The following ATP6V0A4 variants were observed in gnomAD, a reference collection of about 807,000 sequenced individuals.
The protein encoded by ATP6V0A4 is V-type proton ATPase 116 kDa subunit a 4.
Under a neutral mutation model 107.3 loss-of-function variants are expected in ATP6V0A4, and 86 were observed. The ratio of observed to expected loss-of-function variants is 0.80; its 90% confidence interval spans 0.67 to 0.96. ATP6V0A4 has a LOEUF of 0.96. Among genes scored for constraint, ATP6V0A4 ranks in the 40% least tolerant of loss-of-function variants. ATP6V0A4 has a pLI of 0.00. For synonymous variants in ATP6V0A4, 353 were observed against 381.4 expected (o/e 0.93, Z 0.87); for missense variants, 908 against 1,045.6 (o/e 0.87, Z 1.81).
chr7:138,717,908 G>GCAA (rs1804130964), intron 19 of ATP6V0A4, among the ~76,000 whole-genome samples: 1 of 73,012 alleles, frequency 1.4e-5, no homozygotes, highest in Admixed American at 1.2e-4. Flanking sequence ...ACTCTGTCTC[G>GCAA]GAAAAAAAAA....
chr7:138,791,478 C>A (rs1484654238), intron 1 of ATP6V0A4, among the ~76,000 whole-genome samples: 1 of 152,078 alleles, frequency 6.6e-6, no homozygotes, highest in Non-Finnish European at 1.5e-5. Context: ...TATCCAATTG[C>A]CTACAAACTC....
chr7:138,747,764 A>G, intron 12 of ATP6V0A4, 200 bp from the exon 13 acceptor site: 2 of 880,884 alleles, frequency 2.3e-6, no homozygotes, highest in Non-Finnish European at 3.3e-6. Flanking sequence ...CTGTTTTTCA[A>G]TTTTTTTTGA....
intron 1 of ATP6V0A4, among the ~76,000 whole-genome samples, chr7:138,786,973 T>C (rs1377649154): frequency 2.6e-5 from 4 of 152,240 alleles, no homozygotes; most frequent in African/African-American, 7.2e-5. Flanking sequence ...TTTAATATCC[T>C]GCATTGACTA....
intron 13 of ATP6V0A4, 83 bp from the exon 14 acceptor site, chr7:138,745,363 A>C: frequency 6.3e-7 from 1 of 1,598,180 alleles, no homozygotes; most frequent in Non-Finnish European, 8.5e-7. Flanking sequence ...GGATATCTCC[A>C]GCATCACCGG....
At chr7:138,748,206 A>G (rs1441861635) in intron 12 of ATP6V0A4, among the ~76,000 whole-genome samples, 1 of 151,208 alleles carries the variant, frequency 6.6e-6, no homozygotes, top group Non-Finnish European at 1.5e-5. Flanking sequence ...TGCTTTCTAT[A>G]CTCTTCTCCA....
Position 138,752,649 on chromosome 7 carries a change from G to A in ATP6V0A4, c.1005C>T (p.Ile335=). The A allele has an allele frequency of 6.2e-7, 1 of 1,613,668 alleles. No homozygotes were observed. Among genetic ancestry groups the A allele is most frequent in the Non-Finnish European group, 8.5e-7 (1 of 1,179,866 alleles). ...CCATGCCTTGCTCCAGTGCCCTCTT[G>A]ATACGTGTGGCATCTGCCACCGGGA... The part of the protein sequence containing the change: ...IWFPVADATR[I]KRALEQGMEL... The change falls in exon 11 of 22, where the codon ATC becomes ATT. Residue 335 remains isoleucine (I), a synonymous_variant. Transcript: ENST00000310018.
In ATP6V0A4 at chr7:138,706,534, C is replaced by A; in HGVS notation, c.*90G>T. On this transcript the variant is annotated 3_prime_UTR_variant, in exon 22 of 22. Coordinates refer to ENST00000310018, the MANE Select transcript of ATP6V0A4 (RefSeq NM_020632.3). The stretch of plus-strand genomic sequence containing the variant: ...TCAGGTGAGCCAAGAACAACCTTCC[C>A]ATTGAGCGCCTTGCAGGGGCTGATA... 2 of 1,472,270 alleles carry A rather than the reference C, an allele frequency of 1.4e-6. No individual in the cohort carries two copies. Among genetic ancestry groups the A allele is most frequent in the East Asian group, 2.3e-5 (1 of 43,226 alleles). 91.2% of individuals were successfully genotyped at this position (1,472,270 alleles called of 1,614,324 possible).
intron 2 of ATP6V0A4, among the ~76,000 whole-genome samples, chr7:138,776,036 T>C (rs1365802261): frequency 6.6e-6 from 1 of 152,006 alleles, no homozygotes; most frequent in East Asian, 1.9e-4. Flanking sequence ...GGCCTCCAAC[T>C]CCTAGCCTAC....
intron 8 of ATP6V0A4, among the ~76,000 whole-genome samples, chr7:138,759,192 T>G (rs1204236052): frequency 2.0e-5 from 3 of 151,532 alleles, no homozygotes; most frequent in Non-Finnish European, 4.4e-5. Flanking sequence ...CCTAAGTAGC[T>G]GGGACTACCG....
rs1804004086 is a variant in ATP6V0A4, at chr7:138,715,766, G to T, written c.2255C>A (p.Ala752Glu). Residue 752 changes from alanine (A) to glutamate (E), a missense_variant and splice_region_variant, in exon 20 of 22, where the codon GCA becomes GAA. Coordinates refer to ENST00000310018, the MANE Select transcript of ATP6V0A4 (RefSeq NM_020632.3). ...LRLWALSLAH[A>E]QLSEVLWTMV... Reference sequence around the variant, plus strand: ...CCCCCGATGGGCTGCTCACTCACGTGCATGAGCCAGGCTGAGGGCCCAGAG... The same window carrying T: ...CCCCCGATGGGCTGCTCACTCACGTTCATGAGCCAGGCTGAGGGCCCAGAG... 2 of 1,613,552 alleles carry T rather than the reference G, an allele frequency of 1.2e-6. No homozygotes were observed. The highest frequency in any genetic ancestry group is 1.7e-6 in the Non-Finnish European group (2 of 1,179,616).
At chr7:138,719,466 A>C (rs1310389032) in intron 19 of ATP6V0A4, among the ~76,000 whole-genome samples, 1 of 152,208 alleles carries the variant, frequency 6.6e-6, no homozygotes, top group African/African-American at 2.4e-5. Flanking sequence ...GGGACTCTGC[A>C]GCAACTGCTG....
At chr7:138,713,760 C>T (rs980286865) in intron 20 of ATP6V0A4, among the ~76,000 whole-genome samples, 1 of 152,036 alleles carries the variant, frequency 6.6e-6, no homozygotes, top group Non-Finnish European at 1.5e-5. Context: ...AAGGGGGCTG[C>T]AGGGGCAAAC....
intron 2 of ATP6V0A4, among the ~76,000 whole-genome samples, chr7:138,778,554 G>A (rs557647894): frequency 1.8e-3 from 280 of 152,200 alleles, no homozygotes; most frequent in Non-Finnish European, 3.3e-3. Flanking sequence ...GACTCAGTGC[G>A]GCAGAAGCCA....
intron 1 of ATP6V0A4, among the ~76,000 whole-genome samples, chr7:138,792,766 GTTTTTTT>G (rs1202969668): frequency 4.5e-4 from 31 of 68,708 alleles, no homozygotes; most frequent in Non-Finnish European, 7.8e-4. Context: ...ACTCAGGTTT[GTTTTTTT>G]TTTTGTTGTT....
intron 2 of ATP6V0A4, among the ~76,000 whole-genome samples, chr7:138,771,493 C>T (rs1190622374): frequency 2.0e-5 from 3 of 151,720 alleles, no homozygotes; most frequent in Non-Finnish European, 2.9e-5. Flanking sequence ...CCTCAACCTC[C>T]CAGGCTCAAG....
At chr7:138,729,328 T>C (rs1043689768) in intron 17 of ATP6V0A4, among the ~76,000 whole-genome samples, 1 of 152,214 alleles carries the variant, frequency 6.6e-6, no homozygotes, top group Admixed American at 6.5e-5. Context: ...GGTAATTTTA[T>C]ATTTTGAGTC....
At chr7:138,763,975 A>AAAAT (rs774897965) in intron 5 of ATP6V0A4, among the ~76,000 whole-genome samples, 14 of 143,608 alleles carry the variant, frequency 9.7e-5, no homozygotes, top group East Asian at 4.1e-4. Context: ...TCAAAAAAAA[A>AAAAT]ATATATATAT....
chr7:138,762,703 G>A (rs544675746), intron 6 of ATP6V0A4, among the ~76,000 whole-genome samples, 197 bp downstream of exon 6: 4 of 152,144 alleles, frequency 2.6e-5, no homozygotes, highest in Admixed American at 2.6e-4. Flanking sequence ...ATTTTACTGA[G>A]CACCATAATA....
intron 2 of ATP6V0A4, among the ~76,000 whole-genome samples, chr7:138,784,281 C>CAT (rs57155792): frequency 1.7e-5 from 2 of 114,534 alleles, no homozygotes; most frequent in Non-Finnish European, 3.4e-5. Flanking sequence ...TATATATATA[C>CAT]ATATATATAC....
Sources: allele counts gnomAD v4.1 joint callset (sites outside exome capture counted in the v4.1 genomes callset), GRCh38; gene constraint gnomAD v4.1.1; transcripts MANE v1.5; gene names NCBI Gene and HGNC (gene_info 2026-07-23, HGNC 2026-07-21).